FREM3: variants seen among roughly 807,000 people sequenced by gnomAD.
FREM3 encodes the protein FRAS1 related extracellular matrix 3, also known as FRAS1-related extracellular matrix protein 3.
Under a neutral mutation model 129.1 loss-of-function variants are expected in FREM3, and 105 were observed. That is an observed-to-expected ratio of 0.81 (90% CI 0.69 to 0.96). FREM3 has a LOEUF of 0.96. Ranked by LOEUF, FREM3 falls within the 40% of genes least tolerant of loss-of-function variation. FREM3 has a pLI of 0.00. For missense variants in FREM3, 2,593 were observed against 2,666.3 expected (o/e 0.97, Z 0.61); for synonymous variants, 1,014 against 1,044.9 (o/e 0.97, Z 0.57).
chr4:143,629,543 C>T (rs921640049), intron 2 of FREM3, among the ~76,000 whole-genome samples: 31 of 152,200 alleles, frequency 2.0e-4, no homozygotes, highest in Admixed American at 1.6e-3. Context: ...AAGACAAAAG[C>T]GCTCAAAATC....
In FREM3 at chr4:143,577,698, T is replaced by C; in HGVS notation, c.6333A>G (p.Ala2111=). The C allele has an allele frequency of 6.5e-7, 1 of 1,537,340 alleles. No individual in the cohort carries two copies. Among genetic ancestry groups the C allele is most frequent in the Non-Finnish European group, 8.7e-7 (1 of 1,146,918 alleles). ...FELLLQMPMG[A]VLGEPNKTTI... is the part of the protein sequence containing the mutation. The stretch of plus-strand genomic sequence containing the variant: ...TAGTTTTATTTGGTTCTCCAAGCAC[T>C]GCACCCATAGGCATCTGAAGAAGTA... Residue 2111 remains alanine (A), a synonymous_variant, in exon 8 of 8, where the codon GCA becomes GCG. Coordinates refer to ENST00000329798, the MANE Select transcript of FREM3 (RefSeq NM_001168235.2).
In FREM3 at chr4:143,661,697, C is replaced by T. The variant is rs1297558905; in HGVS notation, c.5275+31416G>A. On this transcript the variant is annotated intron_variant, in intron 2 of 7. Transcript: ENST00000329798. The stretch of plus-strand genomic sequence containing the variant: ...TCCTTCTTATACCTCTGGTAGAATT[C>T]GGCTGTGAATACATCTGGTCCTGGA... Among the ~76,000 whole-genome samples, 11 of 152,256 alleles carry T rather than the reference C, an allele frequency of 7.2e-5. No individual in the cohort carries two copies. In the East Asian group the frequency reaches 7.7e-4, roughly 11 times the overall value.
chr4:143,581,338 C>T (rs1443104093), intron 7 of FREM3, among the ~76,000 whole-genome samples: 1 of 152,232 alleles, frequency 6.6e-6, no homozygotes, highest in Non-Finnish European at 1.5e-5. Context: ...GCCCTTACTG[C>T]CCTCAGACTG....
At chr4:143,610,198 G>T (rs182579251) in intron 6 of FREM3, among the ~76,000 whole-genome samples, 1 of 152,084 alleles carries the variant, frequency 6.6e-6, no homozygotes, top group East Asian at 1.9e-4. Context: ...AGCAAAAGTA[G>T]TCTACTGAAA....
intron 2 of FREM3, among the ~76,000 whole-genome samples, chr4:143,672,408 AC>A (rs1450685546): frequency 6.6e-6 from 1 of 152,166 alleles, no homozygotes; most frequent in Admixed American, 6.5e-5. Context: ...CATACTTTGG[AC>A]CTCAACCACT....
Position 143,700,561 on chromosome 4 carries a change from C to G in FREM3, c.115G>C (p.Glu39Gln), listed in dbSNP as rs754723701. ...GGCAGGTAAAGCGCCGGGTCGGGCTCGGTCCCAAGTGAGGATGCCCGTCCC... is the reference window on the plus strand; with the variant it reads ...GGCAGGTAAAGCGCCGGGTCGGGCTGGGTCCCAAGTGAGGATGCCCGTCCC... Reference protein sequence around the residue: ...LQGRASSLGTEPDPALYLPAR... With the variant: ...LQGRASSLGTQPDPALYLPAR... The change falls in exon 1 of 8, where the codon GAG (glutamate) becomes CAG (glutamine). Residue 39 changes from glutamate to glutamine, a missense_variant. By Grantham distance (29) the Glu-to-Gln change is conservative. Coordinates refer to ENST00000329798, the MANE Select transcript of FREM3 (RefSeq NM_001168235.2). 1.3e-6 allele frequency: 2 copies of G among 1,515,794 alleles called. No homozygotes were observed. Among genetic ancestry groups the G allele is most frequent in the African/African-American group, 2.8e-5 (2 of 72,450 alleles). 93.9% of individuals were successfully genotyped at this position (1,515,794 alleles called of 1,614,324 possible).
intron 2 of FREM3, among the ~76,000 whole-genome samples, chr4:143,654,786 AG>A (rs1739571376): frequency 6.6e-6 from 1 of 151,846 alleles, no homozygotes; most frequent in Non-Finnish European, 1.5e-5. Context: ...AGGAAAGGGA[AG>A]ACTCATCTTT....
chr4:143,592,894 G>T (rs1738392572), intron 6 of FREM3, among the ~76,000 whole-genome samples: 2 of 152,118 alleles, frequency 1.3e-5, no homozygotes, highest in South Asian at 2.1e-4. Flanking sequence ...CGTAGATTTG[G>T]TCTTTTCACA....
In FREM3 at chr4:143,615,716, A is replaced by C. The variant is rs553633442; in HGVS notation, c.5780-4189T>G. Among the ~76,000 whole-genome samples, 12 of 148,248 alleles carry C rather than the reference A, an allele frequency of 8.1e-5. No individual in the cohort carries two copies. The East Asian group carries it at 9.7e-4, about 12-fold the overall frequency. ...GAATATCGTCAAGTGTCAAAAAAAA[A>C]ACAAAAACCCAAAAACCCACAAACA... is the stretch of plus-strand genomic sequence containing the variant. On this transcript the variant is annotated intron_variant, in intron 5 of 7. Transcript: ENST00000329798.
intron 6 of FREM3, among the ~76,000 whole-genome samples, chr4:143,588,577 C>T (rs1738288757): frequency 6.6e-6 from 1 of 152,052 alleles, no homozygotes; most frequent in Non-Finnish European, 1.5e-5. Context: ...ATGAACTCAT[C>T]ATTTTTTATG....
At chr4:143,632,127 A>T (rs1028073038) in intron 2 of FREM3, among the ~76,000 whole-genome samples, 10 of 152,186 alleles carry the variant, frequency 6.6e-5, no homozygotes, top group Non-Finnish European at 1.5e-4. Flanking sequence ...CCATCCATTC[A>T]GTTATTCCAC....
At chr4:143,682,812 G>C (rs1393659417) in intron 2 of FREM3, among the ~76,000 whole-genome samples, 3 of 152,140 alleles carry the variant, frequency 2.0e-5, no homozygotes, top group Non-Finnish European at 4.4e-5. Context: ...AGAGAACAAT[G>C]GTTCAATGTT....
chr4:143,632,428 G>A (rs1309809748), intron 2 of FREM3, among the ~76,000 whole-genome samples: 6 of 151,936 alleles, frequency 3.9e-5, no homozygotes, highest in Admixed American at 3.9e-4. Context: ...TCAGGCAGAG[G>A]GAAAACAAGC....
intron 2 of FREM3, among the ~76,000 whole-genome samples, chr4:143,634,634 A>C (rs893664424): frequency 6.6e-6 from 1 of 152,076 alleles, no homozygotes; most frequent in Non-Finnish European, 1.5e-5. Flanking sequence ...TCCGACTGAG[A>C]GTCCCCTTCT....
chr4:143,638,917 T>C (rs1739276618), intron 2 of FREM3, among the ~76,000 whole-genome samples: 1 of 152,150 alleles, frequency 6.6e-6, no homozygotes, highest in African/African-American at 2.4e-5. Context: ...CATCTGCCCT[T>C]AGTATCACTT....
At chr4:143,611,200 A>G in intron 6 of FREM3, 79 bp downstream of exon 6, 1 of 1,401,644 alleles carries the variant, frequency 7.1e-7, no homozygotes, top group Non-Finnish European at 9.5e-7. Context: ...AATTTAAGCT[A>G]CATTTGCCTT....
intron 2 of FREM3, among the ~76,000 whole-genome samples, chr4:143,651,869 A>G (rs1257600491): frequency 2.0e-5 from 3 of 152,244 alleles, no homozygotes; most frequent in Non-Finnish European, 4.4e-5. Flanking sequence ...TATGTGCTGA[A>G]TGGAATAGTG....
chr4:143,614,959 C>CA (rs1361422409), intron 5 of FREM3, among the ~76,000 whole-genome samples: 5 of 152,172 alleles, frequency 3.3e-5, no homozygotes, highest in Non-Finnish European at 7.3e-5. Flanking sequence ...AGGCCTCCCT[C>CA]ACCTCACTGG....
chr4:143,656,658 G>A (rs1055009966), intron 2 of FREM3, among the ~76,000 whole-genome samples: 1 of 152,130 alleles, frequency 6.6e-6, no homozygotes, highest in Non-Finnish European at 1.5e-5. Flanking sequence ...CGAGAGTAGG[G>A]AGAGGGGTGG....
Sources: allele counts gnomAD v4.1 joint callset (sites outside exome capture counted in the v4.1 genomes callset), GRCh38; gene constraint gnomAD v4.1.1; transcripts MANE v1.5; gene names NCBI Gene and HGNC (gene_info 2026-07-23, HGNC 2026-07-21).